The following ANKRD6 variants were observed in gnomAD, a reference collection of about 807,000 sequenced individuals.
ANKRD6 encodes ankyrin repeat domain 6.
A neutral mutation model predicts 82.3 loss-of-function variants in ANKRD6; 56 were observed. That is an observed-to-expected ratio of 0.68 (90% CI 0.55 to 0.85). The LOEUF is 0.85. Among genes scored for constraint, ANKRD6 ranks in the 40% least tolerant of loss-of-function variants. The pLI is 0.00. For missense variants in ANKRD6, 852 were observed against 907.6 expected, an observed-to-expected ratio of 0.94 and a Z score of 0.79; for synonymous variants, 347 against 352.1, an observed-to-expected ratio of 0.99 and a Z score of 0.16.
At chr6:89,504,581 AAATT>A (rs988098098) in intron 1 of ANKRD6, among the ~76,000 whole-genome samples, 4 of 151,898 alleles carry the variant, frequency 2.6e-5, no homozygotes, top group African/African-American at 9.7e-5. Flanking sequence ...AAAAAAAAAA[AAATT>A]ATAGCGATGT....
chr6:89,621,758 A>G, intron 9 of ANKRD6, 164 bp from the exon 10 acceptor site: 1 of 673,410 alleles, frequency 1.5e-6, no homozygotes, highest in Admixed American at 2.3e-5. Flanking sequence ...GACAAGACCT[A>G]GGAGGATGGT....
intron 1 of ANKRD6, among the ~76,000 whole-genome samples, chr6:89,493,118 A>G (rs1234023999): frequency 2.6e-5 from 4 of 152,192 alleles, no homozygotes; most frequent in Admixed American, 2.6e-4. Flanking sequence ...CAGTCCTCAC[A>G]TCAGCTTCCT....
intron 2 of ANKRD6, among the ~76,000 whole-genome samples, chr6:89,585,526 A>G (rs1793499737): frequency 6.6e-6 from 1 of 152,242 alleles, no homozygotes; most frequent in Non-Finnish European, 1.5e-5. Flanking sequence ...TTTATAAATC[A>G]CAAAAAATGG....
rs1380760549 is a variant in ANKRD6, at chr6:89,433,393, C to A, written c.-144+18C>A. On this transcript the variant is annotated intron_variant, in intron 1 of 15. Coordinates refer to ENST00000339746, the MANE Select transcript of ANKRD6 (RefSeq NM_001242809.2). The surrounding 1 kb of genome is among the most constrained non-coding windows in gnomAD (Gnocchi z 4.3). ...AGAGAAAGGTACCAGGCGACCTCGCCGGCTCCCTGGGACCCCCGCTTACAC... is the reference window on the plus strand; with the variant it reads ...AGAGAAAGGTACCAGGCGACCTCGCAGGCTCCCTGGGACCCCCGCTTACAC... 2 of 152,190 alleles carry A rather than the reference C, an allele frequency of 1.3e-5. No individual in the cohort carries two copies. The highest frequency in any genetic ancestry group is 2.9e-5 in the Non-Finnish European group (2 of 68,046). 9.4% of individuals were successfully genotyped at this position (152,190 alleles called of 1,614,324 possible). A position where few individuals can be genotyped will look rare whatever the true frequency, so the allele number is the denominator to read the frequency against.
rs747029605 is a variant in ANKRD6 at position 89,527,621 on chromosome 6, A to AAAAAAG, written c.-143-39202_-143-39197dup. ...CGTCTCAAAAAAAAAAAAAAAAAAA[A>AAAAAAG]AAAAAGAAAAAGAAAAGAAAAACAA... is the stretch of plus-strand genomic sequence containing the variant. On this transcript the variant is annotated intron_variant, in intron 1 of 15. Transcript: ENST00000339746. Among the ~76,000 whole-genome samples the AAAAAAG allele has an allele frequency of 1.5e-3, 220 of 148,716 alleles. 3 individuals carry two copies. Among genetic ancestry groups the AAAAAAG allele is most frequent in the African/African-American group, 5.4e-3 (209 of 39,064 alleles).
intron 1 of ANKRD6, among the ~76,000 whole-genome samples, chr6:89,547,647 G>C (rs1785274913): frequency 6.6e-6 from 1 of 151,992 alleles, no homozygotes; most frequent in Admixed American, 6.6e-5. Context: ...CTTGATGGCA[G>C]GATTTTCCTC....
chr6:89,513,132 G>T (rs985188383), intron 1 of ANKRD6, among the ~76,000 whole-genome samples: 1 of 152,144 alleles, frequency 6.6e-6, no homozygotes, highest in African/African-American at 2.4e-5. Flanking sequence ...TCACTATGTT[G>T]CCCAGGCTGG....
At chr6:89,536,467 A>G (rs1399119161) in intron 1 of ANKRD6, among the ~76,000 whole-genome samples, 2 of 152,102 alleles carry the variant, frequency 1.3e-5, no homozygotes, top group Non-Finnish European at 2.9e-5. Context: ...CATGAACTCA[A>G]CTCTGCATTG....
In ANKRD6 at chr6:89,633,034, T is replaced by C. The variant is rs912752934; in HGVS notation, c.*2030T>C. On this transcript the variant is annotated 3_prime_UTR_variant, in exon 16 of 16. Coordinates refer to ENST00000339746, the MANE Select transcript of ANKRD6 (RefSeq NM_001242809.2). ...GTATCAAGTCTAGACCATAGAGTGC[T>C]TTGGTGGGAGTATTTTGATTACCTC... 5 of 152,234 alleles carry C rather than the reference T, an allele frequency of 3.3e-5. No homozygotes were observed. Among genetic ancestry groups the C allele is most frequent in the Admixed American group, 2.0e-4 (3 of 15,280 alleles). 9.4% of individuals were successfully genotyped at this position (152,234 alleles called of 1,614,324 possible).
At chr6:89,545,400 C>T (rs1784969808) in intron 1 of ANKRD6, among the ~76,000 whole-genome samples, 1 of 152,070 alleles carries the variant, frequency 6.6e-6, no homozygotes, top group Non-Finnish European at 1.5e-5. Context: ...TAGCGGTAGT[C>T]CCACTCTTTG....
intron 1 of ANKRD6, among the ~76,000 whole-genome samples, chr6:89,446,845 A>C (rs759450201): frequency 9.2e-5 from 14 of 152,180 alleles, no homozygotes; most frequent in Non-Finnish European, 2.1e-4. Context: ...GTGAGTTCTC[A>C]CGAGATTGGA....
At chr6:89,622,602 A>G (rs928662329) in intron 10 of ANKRD6, among the ~76,000 whole-genome samples, 21 of 152,176 alleles carry the variant, frequency 1.4e-4, no homozygotes, top group Non-Finnish European at 8.8e-5. Context: ...TATGAATTAG[A>G]AAAAGATGTC....
At chr6:89,495,696 G>A (rs909988290) in intron 1 of ANKRD6, among the ~76,000 whole-genome samples, 1 of 152,044 alleles carries the variant, frequency 6.6e-6, no homozygotes, top group African/African-American at 2.4e-5. Context: ...CTCTCTCATA[G>A]GGCTTTGTAA....
intron 14 of ANKRD6, chr6:89,628,785 CA>C: frequency 7.7e-6 from 2 of 260,826 alleles, no homozygotes; most frequent in South Asian, 8.9e-5. Flanking sequence ...AACAAACAAA[CA>C]AACAAAAAAA....
intron 5 of ANKRD6, 117 bp from the exon 6 acceptor site, chr6:89,612,155 G>T: frequency 1.2e-6 from 1 of 855,816 alleles, no homozygotes; most frequent in Non-Finnish European, 1.8e-6. Context: ...CGGGCAAGAG[G>T]CAGAGAATGT....
intron 1 of ANKRD6, among the ~76,000 whole-genome samples, chr6:89,448,581 G>T (rs1279529964): frequency 6.6e-6 from 1 of 152,120 alleles, no homozygotes; most frequent in East Asian, 1.9e-4. Context: ...TAGAAAACAA[G>T]ATTTCTTTCA....
chr6:89,489,063 C>T (rs977174618), intron 1 of ANKRD6, among the ~76,000 whole-genome samples: 6 of 152,206 alleles, frequency 3.9e-5, no homozygotes, highest in African/African-American at 7.2e-5. Flanking sequence ...GTGTCTCATG[C>T]GTCGCACATT....
intron 1 of ANKRD6, among the ~76,000 whole-genome samples, chr6:89,439,214 C>T (rs1037655475): frequency 6.6e-6 from 1 of 152,012 alleles, no homozygotes. Flanking sequence ...TTGAGAAAGA[C>T]GGAGCAGAGA....
chr6:89,598,010 A>C (rs1796282049), intron 3 of ANKRD6: 1 of 726,002 alleles, frequency 1.4e-6, no homozygotes, highest in African/African-American at 1.9e-5. Context: ...AAAAAATCTC[A>C]GAAGTTACCT....
Sources: gnomAD v4.1 joint callset for allele counts (sites outside exome capture counted in the v4.1 genomes callset) on GRCh38, gnomAD v4.1.1 for gene constraint, Gnocchi (gnomAD v3.1) non-coding constraint, MANE v1.5 for transcripts, NCBI Gene and HGNC (gene_info 2026-07-23, HGNC 2026-07-21) for gene names.